The following EPN2 variants were observed in gnomAD, a reference collection of about 807,000 sequenced individuals.
EPN2 encodes the protein epsin-2.
EPN2 carries 34 observed loss-of-function variants against 61.7 expected under a neutral mutation model. That is an observed-to-expected ratio of 0.55 (90% confidence interval 0.42 to 0.73). EPN2 has a LOEUF of 0.73. Ranked by LOEUF, EPN2 falls within the 30% of genes least tolerant of loss-of-function variation. The pLI is 0.00. For missense variants in EPN2, 714 were observed against 839.2 expected (o/e 0.85, Z 1.84); for synonymous variants, 349 against 353.6 (o/e 0.99, Z 0.15).
intron 7 of EPN2, among the ~76,000 whole-genome samples, chr17:19,326,704 AAAG>A (rs1906892213): frequency 1.3e-5 from 2 of 151,382 alleles, no homozygotes; most frequent in South Asian, 4.2e-4. Context: ...AAAAAAAAAA[AAAG>A]TGCAAGGACG....
chr17:19,292,584 T>C (rs1435131552), intron 4 of EPN2, among the ~76,000 whole-genome samples: 4 of 152,264 alleles, frequency 2.6e-5, no homozygotes, highest in South Asian at 2.1e-4. Context: ...ATCAGTAACA[T>C]GAACACACCC....
intron 1 of EPN2, among the ~76,000 whole-genome samples, chr17:19,266,987 T>C (rs970967804): frequency 3.4e-5 from 5 of 146,498 alleles, no homozygotes; most frequent in Non-Finnish European, 6.0e-5. Context: ...GAGATCGAGA[T>C]AGCCACCACG....
intron 5 of EPN2, among the ~76,000 whole-genome samples, chr17:19,310,870 G>A (rs1238522996): frequency 6.6e-6 from 1 of 152,092 alleles, no homozygotes; most frequent in Admixed American, 6.5e-5. Context: ...GGGCCACCGT[G>A]CCTGGCCCCC....
At chr17:19,291,698 C>G (rs1330130564) in intron 4 of EPN2, among the ~76,000 whole-genome samples, 1 of 152,174 alleles carries the variant, frequency 6.6e-6, no homozygotes, top group Non-Finnish European at 1.5e-5. Flanking sequence ...CCTCGGCCTC[C>G]CAAAGTGCTG....
At chr17:19,287,871 T>C (rs2045421184) in intron 4 of EPN2, among the ~76,000 whole-genome samples, 1 of 152,206 alleles carries the variant, frequency 6.6e-6, no homozygotes, top group African/African-American at 2.4e-5. Flanking sequence ...CATCTCATCC[T>C]CCCTGTGCCC....
intron 4 of EPN2, among the ~76,000 whole-genome samples, chr17:19,298,959 G>T (rs1905335403): frequency 6.6e-6 from 1 of 152,060 alleles, no homozygotes; most frequent in Admixed American, 6.6e-5. Context: ...TTTTTTTAAG[G>T]ATTCTTTGGA....
intron 1 of EPN2, among the ~76,000 whole-genome samples, chr17:19,240,658 G>A (rs1036321735): frequency 1.3e-5 from 2 of 152,196 alleles, no homozygotes; most frequent in Non-Finnish European, 2.9e-5. Flanking sequence ...GACCTCTTCT[G>A]TCAATACTTT....
In EPN2 at chr17:19,289,724, G is replaced by GTTTTTTTTTTTTTTTTTTTTT. The variant is rs58087532; in HGVS notation, c.766+3954_766+3955insTTTTTTTTTTTTTTTTTTTTT. ...TGTTCGGCCTCACCTGGCGCTCATGGTTTTTTTTTTTTTTTTTTTTGAGAT... is the reference window on the plus strand; with the variant it reads ...TGTTCGGCCTCACCTGGCGCTCATGGTTTTTTTTTTTTTTTTTTTTTTTTTTTTTTTTTTTTTTTTTGAGAT... On this transcript the variant is annotated intron_variant, in intron 4 of 10. Transcript: ENST00000314728. 8.1e-4 allele frequency among the ~76,000 whole-genome samples: 63 copies of GTTTTTTTTTTTTTTTTTTTTT among 78,038 alleles called. 6 individuals are homozygous for GTTTTTTTTTTTTTTTTTTTTT. The highest frequency in any genetic ancestry group is 1.7e-3 in the East Asian group (3 of 1,730). The allele number at this position is 78,038 out of a possible 152,430, so 51.2% of individuals were successfully genotyped here. A position where few individuals can be genotyped will look rare whatever the true frequency, so the allele number is the denominator to read the frequency against.
At position 19,283,804 on chromosome 17, in the gene EPN2, G is replaced by A; in HGVS notation, c.595+90G>A. On this transcript the variant is annotated intron_variant, in intron 3 of 10. Coordinates refer to ENST00000314728, the MANE Select transcript of EPN2 (RefSeq NM_014964.5). This position sits in a 1 kb window ranked among gnomAD's most constrained non-coding sequence, Gnocchi z 7.0. ...GTGTCTCTGGGCTTAGGGAGTGGTG[G>A]CCACTGCAGAGCTCGAACCTGTCCT... 1.0e-6 allele frequency: 1 copy of A among 973,684 alleles called. No homozygotes were observed. 60.3% of individuals were successfully genotyped at this position (973,684 alleles called of 1,614,324 possible). A position where few individuals can be genotyped will look rare whatever the true frequency, so the allele number is the denominator to read the frequency against.
chr17:19,310,674 T>C (rs914491700), intron 5 of EPN2, among the ~76,000 whole-genome samples: 7 of 136,232 alleles, frequency 5.1e-5, no homozygotes, highest in Non-Finnish European at 1.1e-4. Flanking sequence ...GCGTCCTGGG[T>C]TCAAGTGATT....
chr17:19,334,183 A>C lies in EPN2; in HGVS notation c.1855A>C (p.Met619Leu), dbSNP rs1907293737. 6.3e-7 allele frequency: 1 copy of C among 1,576,968 alleles called. No individual in the cohort carries two copies. Among genetic ancestry groups the C allele is most frequent in the Non-Finnish European group, 8.6e-7 (1 of 1,157,692 alleles). The change falls in exon 11 of 11, where the codon ATG becomes CTG. Residue 619 changes from methionine (M) to leucine (L), a missense_variant. Around this residue, in one of 2 missense-constraint regions of EPN2, gnomAD observed 410 missense variants for 421.8 expected, o/e 0.97. Transcript: ENST00000314728. This position sits in a 1 kb window ranked among gnomAD's most constrained non-coding sequence, Gnocchi z 4.9. ...LTPLGPAMMN[M>L]VGSVGIPPSA... ...ACCACTGGGCCCTGCAATGATGAAC[A>C]TGGTGGGCAGTGTGGGTATACCCCC... is the stretch of plus-strand genomic sequence containing the variant.
At chr17:19,296,174 A>G (rs1245990128) in intron 4 of EPN2, among the ~76,000 whole-genome samples, 1 of 151,880 alleles carries the variant, frequency 6.6e-6, no homozygotes, top group Admixed American at 6.6e-5. Flanking sequence ...AAACTGGGAC[A>G]GAGTCTCACC....
chr17:19,308,452 C>T (rs1598012897), intron 4 of EPN2: 2 of 985,348 alleles, frequency 2.0e-6, no homozygotes, highest in Non-Finnish European at 2.4e-6. Context: ...TGTGCATGCA[C>T]CTGTCTGTGC....
intron 1 of EPN2, among the ~76,000 whole-genome samples, chr17:19,278,797 C>T (rs943595037): frequency 2.0e-5 from 3 of 152,176 alleles, no homozygotes; most frequent in Non-Finnish European, 4.4e-5. Flanking sequence ...TCCAGGTGTG[C>T]ACCACCATGC....
rs1555600088 is a variant in EPN2 at position 19,290,720 on chromosome 17, A to AAAAG, written c.766+4933_766+4934insGAAA. On this transcript the variant is annotated intron_variant, in intron 4 of 10. Transcript: ENST00000314728. ...GTTCTCAAAAAAAAAAAAAAAGAAA[A>AAAAG]AAAAAGAAAAAGGAAGGCAGGCAGA... 7.5e-3 allele frequency among the ~76,000 whole-genome samples: 794 copies of AAAAG among 105,472 alleles called. 67 individuals are homozygous for AAAAG. The East Asian group carries it at 0.091, about 12-fold the overall frequency. The allele number at this position is 105,472 out of a possible 152,430, so 69.2% of individuals were successfully genotyped here.
intron 1 of EPN2, among the ~76,000 whole-genome samples, chr17:19,240,836 A>G (rs972357944): frequency 6.6e-6 from 1 of 152,144 alleles, no homozygotes; most frequent in Admixed American, 6.6e-5. Context: ...CTCCAGTACC[A>G]GGCTCGGTCT....
At position 19,243,384 on chromosome 17, in the gene EPN2, A is replaced by AATT. The variant is rs2044907305; in HGVS notation, c.-294+5853_-294+5854insATT. Among the ~76,000 whole-genome samples, 16 of 77,266 alleles carry AATT rather than the reference A, an allele frequency of 2.1e-4. 1 individual carries two copies. The South Asian group carries it at 0.012, about 56-fold the overall frequency. The allele number at this position is 77,266 out of a possible 152,430, so 50.7% of individuals were successfully genotyped here. Reference sequence around the variant, plus strand: ...AGGTGTGTGCTACCATGCCTGGCTAATTTTTTTTTTTTTTTTTTTTTTTTT... The same window carrying AATT: ...AGGTGTGTGCTACCATGCCTGGCTAAATTTTTTTTTTTTTTTTTTTTTTTTTTT... On this transcript the variant is annotated intron_variant, in intron 1 of 10. Coordinates refer to ENST00000314728, the MANE Select transcript of EPN2 (RefSeq NM_014964.5).
In EPN2 at chr17:19,321,449, A is replaced by G. The variant is rs547523223; in HGVS notation, c.1148-7262A>G. On this transcript the variant is annotated intron_variant, in intron 7 of 10. Transcript: ENST00000314728. ...GACTGGAGTTGGGGACACTTTGCAG[A>G]TTGACTTTAACCAGTGAGAACCCTT... Among the ~76,000 whole-genome samples, 5 of 152,232 alleles carry G rather than the reference A, an allele frequency of 3.3e-5. No individual in the cohort carries two copies. In the South Asian group the frequency reaches 1.0e-3, roughly 32 times the overall value.
At chr17:19,321,590 G>C (rs1168495589) in intron 7 of EPN2, among the ~76,000 whole-genome samples, 1 of 152,218 alleles carries the variant, frequency 6.6e-6, no homozygotes, top group Non-Finnish European at 1.5e-5. Flanking sequence ...GTGGGGGATA[G>C]AAGTAACCGG....
Sources: allele counts gnomAD v4.1 joint callset (sites outside exome capture counted in the v4.1 genomes callset), GRCh38; gene constraint gnomAD v4.1.1; regional missense constraint gnomAD v4.1.1; non-coding constraint Gnocchi (gnomAD v3.1); transcripts MANE v1.5; gene names NCBI Gene and HGNC (gene_info 2026-07-23, HGNC 2026-07-21).